ODAD2: variants seen among roughly 807,000 people sequenced by gnomAD.
ODAD2 encodes outer dynein arm-docking complex subunit 2.
In ODAD2, 89 loss-of-function variants were observed where a neutral mutation model predicts 106.8. The observed-to-expected ratio is 0.83, with a 90% confidence interval of 0.70 to 0.99. The LOEUF (loss-of-function observed/expected upper bound fraction) is 0.99. ODAD2 is among the 50% of genes least tolerant of loss of function. The probability of loss-of-function intolerance (pLI) is 0.00; values close to 1 mark genes in which losing one functional copy is unlikely to be tolerated. For synonymous variants in ODAD2, 404 were observed against 436.2 expected, an observed-to-expected ratio of 0.93 and a Z score of 0.92; for missense variants, 1,168 against 1,238.5, an observed-to-expected ratio of 0.94 and a Z score of 0.85.
intron 10 of ODAD2, among the ~76,000 whole-genome samples, chr10:27,951,963 TG>T (rs1458434504): frequency 6.6e-6 from 1 of 150,648 alleles, no homozygotes; most frequent in Non-Finnish European, 1.5e-5. Context: ...TAGTCCCAGC[TG>T]CTTGGGAGGC....
intron 2 of ODAD2, among the ~76,000 whole-genome samples, chr10:27,988,545 C>T (rs1364537421): frequency 6.6e-6 from 1 of 151,920 alleles, no homozygotes. Flanking sequence ...ACTATGTTGG[C>T]CAGGCTGGTC....
intron 16 of ODAD2, among the ~76,000 whole-genome samples, chr10:27,934,657 G>C (rs1207561773): frequency 6.6e-6 from 1 of 151,996 alleles, no homozygotes; most frequent in Non-Finnish European, 1.5e-5. Context: ...GAAACAAGAA[G>C]GCTACTATGA....
At chr10:27,970,970 T>TTAAATAAATAAA (rs59193868) in intron 8 of ODAD2, 138 bp downstream of exon 8, 19 of 306,064 alleles carry the variant, frequency 6.2e-5, no homozygotes, top group East Asian at 8.3e-5. Flanking sequence ...AGACTCCATC[T>TTAAATAAATAAA]TAAATAAATA....
rs1164869346 is a variant in ODAD2 at position 27,987,460 on chromosome 10, C to T, written c.308G>A (p.Ser103Asn). 6.2e-7 allele frequency: 1 copy of T among 1,613,932 alleles called. No homozygotes were observed. Among genetic ancestry groups the T allele is most frequent in the South Asian group, 1.1e-5 (1 of 91,036 alleles). Residue 103 changes from serine (S) to asparagine (N), a missense_variant, in exon 3 of 20, where the codon AGC (serine) becomes AAC (asparagine). Physicochemically the swap from Ser to Asn is conservative, Grantham distance 46. Coordinates refer to ENST00000305242, the MANE Select transcript of ODAD2 (RefSeq NM_018076.5). ...TAACAAGCGTGACAGCTGCCCAAAG[C>T]TCCTAATTTTAATTTGTGGTACAGA... ...FLSVPQIKIR[S>N]FGQLSRLLLI... is the part of the protein sequence containing the mutation.
At chr10:27,963,467 T>C (rs1848280155) in intron 9 of ODAD2, among the ~76,000 whole-genome samples, 1 of 152,200 alleles carries the variant, frequency 6.6e-6, no homozygotes, top group African/African-American at 2.4e-5. Flanking sequence ...AATATGACTT[T>C]TGCCAATCAC....
At position 27,924,008 on chromosome 10, in the gene ODAD2, A is replaced by AAGAAAGAAAGAACGAG. The variant is rs1845017552; in HGVS notation, c.2495+11001_2495+11002insCTCGTTCTTTCTTTCT. Among the ~76,000 whole-genome samples the AAGAAAGAAAGAACGAG allele has an allele frequency of 2.9e-5, 3 of 104,248 alleles. 1 individual carries two copies. The South Asian group carries it at 9.4e-4, about 33-fold the overall frequency. The allele number at this position is 104,248 out of a possible 152,430, so 68.4% of individuals were successfully genotyped here. A position where few individuals can be genotyped will look rare whatever the true frequency, so the allele number is the denominator to read the frequency against. On this transcript the variant is annotated intron_variant, in intron 16 of 19. Coordinates refer to ENST00000305242, the MANE Select transcript of ODAD2 (RefSeq NM_018076.5). ...AAAGAAAGAAAGAAAGAAAGAAAGA[A>AAGAAAGAAAGAACGAG]AGAAAGAAAGAAAGAAGGAAAGAGA...
chr10:27,914,320 T>C (rs1012212673), intron 16 of ODAD2, among the ~76,000 whole-genome samples: 2 of 152,102 alleles, frequency 1.3e-5, no homozygotes, highest in Non-Finnish European at 2.9e-5. Flanking sequence ...AAGATGCCAT[T>C]TTTTCTTTTC....
chr10:27,983,145 A>T (rs1249450332), intron 6 of ODAD2, among the ~76,000 whole-genome samples: 4 of 152,098 alleles, frequency 2.6e-5, no homozygotes, highest in Non-Finnish European at 5.9e-5. Flanking sequence ...TCCAGTTTCC[A>T]GGTTTGTTGA....
At chr10:27,833,512 G>A (rs1230445293) in intron 19 of ODAD2, among the ~76,000 whole-genome samples, 1 of 152,152 alleles carries the variant, frequency 6.6e-6, no homozygotes, top group Admixed American at 6.5e-5. Flanking sequence ...TAAACTCTGT[G>A]GCTTATGTGG....
Position 27,917,491 on chromosome 10 carries a change from A to G in ODAD2, c.2496-9714T>C, listed in dbSNP as rs1001942514. Among the ~76,000 whole-genome samples the G allele has an allele frequency of 1.2e-4, 19 of 152,056 alleles. 1 individual carries two copies. The highest frequency in any genetic ancestry group is 1.2e-3 in the Admixed American group (18 of 15,256). On this transcript the variant is annotated intron_variant, in intron 16 of 19. Coordinates refer to ENST00000305242, the MANE Select transcript of ODAD2 (RefSeq NM_018076.5). The stretch of plus-strand genomic sequence containing the variant: ...GAAAAAGAAGCAAAAGTTAAACACA[A>G]ATAAGTACAATAAATAAAGTAATTA...
chr10:27,908,541 A>G (rs558237045), intron 16 of ODAD2, among the ~76,000 whole-genome samples: 1 of 152,278 alleles, frequency 6.6e-6, no homozygotes, highest in East Asian at 1.9e-4. Context: ...CTTTACAAAC[A>G]TGGCTTTGTT....
intron 2 of ODAD2, among the ~76,000 whole-genome samples, chr10:27,993,245 C>T (rs572742214): frequency 2.0e-5 from 3 of 152,174 alleles, no homozygotes; most frequent in South Asian, 2.1e-4. Context: ...ATTTGTTTTA[C>T]GTAGGAGATC....
chr10:27,933,016 G>C (rs545981183), intron 16 of ODAD2, among the ~76,000 whole-genome samples: 57 of 152,256 alleles, frequency 3.7e-4, no homozygotes, highest in African/African-American at 1.2e-3. Flanking sequence ...AGTACTTTGG[G>C]AGGCTGAGGC....
intron 1 of ODAD2, chr10:27,995,555 C>T (rs1850511121): frequency 6.0e-6 from 1 of 167,434 alleles, no homozygotes. Context: ...TGTTGGGAGC[C>T]AGCAGTTTCA....
chr10:27,865,556 C>T (rs771191335), intron 17 of ODAD2, among the ~76,000 whole-genome samples: 24 of 152,164 alleles, frequency 1.6e-4, no homozygotes, highest in Admixed American at 3.3e-4. Flanking sequence ...TATGACAGCA[C>T]CTATCACTGC....
chr10:27,900,173 A>T (rs753636750), intron 17 of ODAD2, among the ~76,000 whole-genome samples: 8 of 152,218 alleles, frequency 5.3e-5, no homozygotes, highest in Non-Finnish European at 1.2e-4. Context: ...CCAGGCAAAC[A>T]GGATCTGGAG....
chr10:27,826,831 C>A (rs1035504276), intron 19 of ODAD2, among the ~76,000 whole-genome samples: 2 of 152,170 alleles, frequency 1.3e-5, no homozygotes, highest in East Asian at 3.9e-4. Context: ...AGAAACATAA[C>A]AAACAATGGA....
At chr10:27,945,058 T>A in intron 10 of ODAD2, 96 bp from the exon 11 acceptor site, 1 of 1,421,664 alleles carries the variant, frequency 7.0e-7, no homozygotes, top group Non-Finnish European at 9.8e-7. Context: ...AAAACATGTC[T>A]CTGAGTGGGC....
intron 10 of ODAD2, among the ~76,000 whole-genome samples, chr10:27,950,932 C>A (rs1847288718): frequency 6.6e-6 from 1 of 152,040 alleles, no homozygotes; most frequent in Admixed American, 6.6e-5. Flanking sequence ...AAAGTGGACA[C>A]AAGAGCAGCA....
Sources: allele counts gnomAD v4.1 joint callset (sites outside exome capture counted in the v4.1 genomes callset), GRCh38; gene constraint gnomAD v4.1.1; transcripts MANE v1.5; gene names NCBI Gene and HGNC (gene_info 2026-07-23, HGNC 2026-07-21).